The following ST13 variants were observed in gnomAD, a reference collection of about 807,000 sequenced individuals.
ST13 encodes the protein ST13 Hsp70 interacting protein.
In ST13, 23 loss-of-function variants were observed where a neutral mutation model predicts 56.7. The observed-to-expected ratio is 0.41, with a 90% CI of 0.29 to 0.57. The LOEUF (loss-of-function observed/expected upper bound fraction) is 0.57, where lower values mean the gene tolerates loss of function less well. Ranked by LOEUF, ST13 falls within the 20% of genes least tolerant of loss-of-function variation. The probability of loss-of-function intolerance (pLI) is 0.36; values close to 1 mark genes in which losing one functional copy is unlikely to be tolerated. For synonymous variants in ST13, 132 were observed against 142.4 expected, an observed-to-expected ratio of 0.93 and a Z score of 0.52; for missense variants, 369 against 459.9, an observed-to-expected ratio of 0.80 and a Z score of 1.81.
intron 5 of ST13, 177 bp from the exon 6 acceptor site, chr22:40,836,064 T>C: frequency 1.9e-6 from 1 of 540,154 alleles, no homozygotes; most frequent in African/African-American, 1.9e-5. Flanking sequence ...ACACCTATAC[T>C]GTAACTCACG....
At chr22:40,847,007 CCAAAAAAACAA>C (rs1205461261) in intron 3 of ST13, among the ~76,000 whole-genome samples, 1 of 151,364 alleles carries the variant, frequency 6.6e-6, no homozygotes, top group Non-Finnish European at 1.5e-5. Flanking sequence ...CAAAAAAACC[CCAAAAAAACAA>C]CAAAAAAAAA....
chr22:40,856,010 ATAT>A (rs2057891773), intron 1 of ST13, among the ~76,000 whole-genome samples: 1 of 151,762 alleles, frequency 6.6e-6, no homozygotes, highest in Admixed American at 6.6e-5. Flanking sequence ...TACTAGTGTT[ATAT>A]TATTATAACA....
At chr22:40,853,341 G>A (rs780839441) in intron 1 of ST13, among the ~76,000 whole-genome samples, 1 of 150,296 alleles carries the variant, frequency 6.7e-6, no homozygotes, top group Non-Finnish European at 1.5e-5. Context: ...AGAAATTGTT[G>A]CAAAAAAAAT....
Position 40,832,555 on chromosome 22 carries a change from C to G in ST13, c.681+14G>C, listed in dbSNP as rs762144778. On this transcript the variant is annotated intron_variant, in intron 8 of 11. Coordinates refer to ENST00000216218, the MANE Select transcript of ST13 (RefSeq NM_003932.5). ...ATTTAACTAATGACTTTCCCTTTCT[C>G]TACTTTGACATACCCTAGGTTGAAC... 6.3e-7 allele frequency: 1 copy of G among 1,593,370 alleles called. No homozygotes were observed. Among genetic ancestry groups the G allele is most frequent in the Admixed American group, 1.7e-5 (1 of 59,958 alleles).
At chr22:40,843,974 C>G (rs2057818069) in intron 4 of ST13, among the ~76,000 whole-genome samples, 1 of 151,570 alleles carries the variant, frequency 6.6e-6, no homozygotes, top group South Asian at 2.1e-4. Context: ...CCTCTGCCTC[C>G]TGGGTTCAAG....
intron 5 of ST13, among the ~76,000 whole-genome samples, chr22:40,839,856 A>G (rs937554369): frequency 1.1e-4 from 16 of 150,088 alleles, no homozygotes; most frequent in African/African-American, 3.9e-4. Context: ...AAATAAATAT[A>G]TATAAAAAAA....
At chr22:40,834,535 A>AT (rs1208701861) in intron 7 of ST13, among the ~76,000 whole-genome samples, 2 of 152,292 alleles carry the variant, frequency 1.3e-5, no homozygotes, top group Admixed American at 6.5e-5. Context: ...AATTTCAAGA[A>AT]TTTTTTCCCT....
chr22:40,845,369 G>T (rs1424629019), intron 3 of ST13, among the ~76,000 whole-genome samples: 2 of 151,502 alleles, frequency 1.3e-5, no homozygotes, highest in African/African-American at 2.4e-5. Context: ...AATAATTTTG[G>T]GGGGGGCACA....
chr22:40,839,904 A>G (rs2057794880), intron 5 of ST13, among the ~76,000 whole-genome samples: 1 of 152,134 alleles, frequency 6.6e-6, no homozygotes, highest in Admixed American at 6.5e-5. Flanking sequence ...TTATCCCAGC[A>G]CTTTGGGAGG....
chr22:40,838,027 T>C (rs1364715700), intron 5 of ST13, among the ~76,000 whole-genome samples: 3 of 152,186 alleles, frequency 2.0e-5, no homozygotes, highest in African/African-American at 4.8e-5. Flanking sequence ...ACTAAACAAA[T>C]GGCTCCTCCA....
At chr22:40,856,309 T>G in intron 1 of ST13, 122 bp downstream of exon 1, 1 of 848,688 alleles carries the variant, frequency 1.2e-6, no homozygotes, top group Non-Finnish European at 2.0e-6. Flanking sequence ...GTTGCCTCCC[T>G]TTCCCGGGCA....
At chr22:40,835,433 T>C (rs1485418274) in intron 7 of ST13, 127 bp downstream of exon 7, 2 of 737,336 alleles carry the variant, frequency 2.7e-6, no homozygotes, top group Non-Finnish European at 4.6e-6. Context: ...CACTTCTTGA[T>C]ACTAAGTACA....
In ST13 at chr22:40,827,184, G is replaced by C; in HGVS notation, c.893C>G (p.Pro298Arg). Residue 298 changes from proline (P) to arginine (R), a missense_variant, in exon 11 of 12, where the codon CCT becomes CGT. This residue lies in a region of ST13 where 136 missense variants were observed against 159.2 expected (regional missense o/e 0.85). Transcript: ENST00000216218. Reference protein sequence around the residue: ...GMPGNFPGGMPGMGGGMPGMA... With the variant: ...GMPGNFPGGMRGMGGGMPGMA... ...TCCAGGCATGCCCCCTCCCATTCCAGGCATTCCTCCGGGAAAATTACCAGG... is the reference window on the plus strand; with the variant it reads ...TCCAGGCATGCCCCCTCCCATTCCACGCATTCCTCCGGGAAAATTACCAGG... The C allele has an allele frequency of 6.2e-7, 1 of 1,613,134 alleles. No homozygotes were observed. The highest frequency in any genetic ancestry group is 8.5e-7 in the Non-Finnish European group (1 of 1,179,962).
At chr22:40,834,215 G>A (rs1286750017) in intron 7 of ST13, among the ~76,000 whole-genome samples, 1 of 152,100 alleles carries the variant, frequency 6.6e-6, no homozygotes, top group Non-Finnish European at 1.5e-5. Context: ...AACCTGGGAG[G>A]TGAAGGTTGC....
intron 1 of ST13, among the ~76,000 whole-genome samples, chr22:40,852,103 T>C (rs533388760): frequency 6.6e-6 from 1 of 152,330 alleles, no homozygotes; most frequent in Non-Finnish European, 1.5e-5. Flanking sequence ...TGGGTGGAAT[T>C]TGTGGTCATA....
intron 5 of ST13, among the ~76,000 whole-genome samples, chr22:40,837,620 TG>T (rs1169298906): frequency 6.6e-6 from 1 of 152,102 alleles, no homozygotes; most frequent in Non-Finnish European, 1.5e-5. Flanking sequence ...CACTCCAGTC[TG>T]GGCAACAAGA....
intron 5 of ST13, among the ~76,000 whole-genome samples, chr22:40,840,257 G>A (rs1419114075): frequency 1.3e-5 from 2 of 152,050 alleles, no homozygotes; most frequent in East Asian, 1.9e-4. Context: ...TGACTAGGAC[G>A]AAGATTGGTA....
chr22:40,833,747 T>TG, intron 7 of ST13, among the ~76,000 whole-genome samples: 1 of 151,880 alleles, frequency 6.6e-6, no homozygotes, highest in Non-Finnish European at 1.5e-5. Context: ...AGCGCACACC[T>TG]GTAATCCCAG....
At chr22:40,846,665 C>A (rs190537649) in intron 3 of ST13, among the ~76,000 whole-genome samples, 1 of 152,046 alleles carries the variant, frequency 6.6e-6, no homozygotes, top group Non-Finnish European at 1.5e-5. Context: ...AAACAACTGC[C>A]AGTAGAATGT....
Sources: gnomAD v4.1 joint callset for allele counts (sites outside exome capture counted in the v4.1 genomes callset) on GRCh38, gnomAD v4.1.1 for gene constraint, gnomAD v4.1.1 regional missense constraint, MANE v1.5 for transcripts, NCBI Gene and HGNC (gene_info 2026-07-23, HGNC 2026-07-21) for gene names.